HSPG2: variants seen among roughly 807,000 people sequenced by gnomAD.
The protein encoded by HSPG2 is basement membrane-specific heparan sulfate proteoglycan core protein.
In HSPG2, 278 loss-of-function variants were observed where a neutral mutation model predicts 526.6. That is an observed-to-expected ratio of 0.53 (90% CI 0.48 to 0.58). The LOEUF (loss-of-function observed/expected upper bound fraction) is 0.58. Ranked by LOEUF, HSPG2 falls within the 20% of genes least tolerant of loss-of-function variation. The probability of loss-of-function intolerance (pLI) is 0.00; values close to 1 mark genes in which losing one functional copy is unlikely to be tolerated. For synonymous variants in HSPG2, 2,465 were observed against 2,555.4 expected (o/e 0.96, Z 1.07); for missense variants, 5,354 against 6,099.5 (o/e 0.88, Z 4.07).
At position 21,865,620 on chromosome 1, in the gene HSPG2, T is replaced by C. The variant is rs1381286733; in HGVS notation, c.4314+97A>G. ...ACTCCCCCAGCCTGTGCCAGAAAAC[T>C]GAGTGCTGGATGGAAAGGACAAAGG... is the stretch of plus-strand genomic sequence containing the variant. On this transcript the variant is annotated intron_variant, in intron 34 of 96. Transcript: ENST00000374695. This position sits in a 1 kb window ranked among gnomAD's most constrained non-coding sequence, Gnocchi z 5.4. The C allele has an allele frequency of 1.1e-5, 12 of 1,105,032 alleles. No homozygotes were observed. The highest frequency in any genetic ancestry group is 1.7e-5 in the Non-Finnish European group (12 of 719,586). 68.5% of individuals were successfully genotyped at this position (1,105,032 alleles called of 1,614,324 possible). A position where few individuals can be genotyped will look rare whatever the true frequency, so the allele number is the denominator to read the frequency against.
Position 21,839,474 on chromosome 1 carries a change from T to A in HSPG2, c.9786A>T (p.Thr3262=), listed in dbSNP as rs2098040023. 6.2e-7 allele frequency: 1 copy of A among 1,613,832 alleles called. No homozygotes were observed. The highest frequency in any genetic ancestry group is 1.1e-5 in the South Asian group (1 of 91,068). ...LPWQHRLEGD[T]LIIPRVAQQD... is the part of the protein sequence containing the mutation. ...GCTGGGCTACCCGGGGTATGATGAG[T>A]GTGTCACCTTCCAGCCGGTGCTGCC... Residue 3262 remains threonine (T), a synonymous_variant, in exon 73 of 97, where the codon ACA becomes ACT. Coordinates refer to ENST00000374695, the MANE Select transcript of HSPG2 (RefSeq NM_005529.7). This position sits in a 1 kb window ranked among gnomAD's most constrained non-coding sequence, Gnocchi z 4.5.
chr1:21,876,688 T>TG (rs1437763441), intron 21 of HSPG2, 36 bp from the exon 22 acceptor site: 2 of 1,613,604 alleles, frequency 1.2e-6, no homozygotes, highest in African/African-American at 2.7e-5. Context: ...GGACAGCCCA[T>TG]GGGAGAGGCT....
rs1363636705 is a variant in HSPG2 at position 21,872,876 on chromosome 1, G to A, written c.3889-116C>T. On this transcript the variant is annotated intron_variant, in intron 31 of 96. Transcript: ENST00000374695. This position sits in a 1 kb window ranked among gnomAD's most constrained non-coding sequence, Gnocchi z 5.5. ...AGCAGCCCCGGGCAGCCCCTGCCCT[G>A]TCCCCCATGCCCTGCCCCCCATGCC... 1 of 1,536,014 alleles carries A rather than the reference G, an allele frequency of 6.5e-7. No individual in the cohort carries two copies. The highest frequency in any genetic ancestry group is 1.7e-5 in the Admixed American group (1 of 58,420).
intron 1 of HSPG2, among the ~76,000 whole-genome samples, chr1:21,927,461 A>G (rs1312948875): frequency 1.3e-5 from 2 of 152,144 alleles, no homozygotes; most frequent in African/African-American, 2.4e-5. Context: ...AGAGCTCCCC[A>G]GGCAAGGTCC....
At position 21,824,609 on chromosome 1, in the gene HSPG2, G is replaced by T. The variant is rs762283434; in HGVS notation, c.12672C>A (p.Pro4224=). Residue 4224 remains proline, a synonymous_variant, in exon 93 of 97, where the codon CCC becomes CCA. Transcript: ENST00000374695. The surrounding 1 kb of genome is among the most constrained non-coding windows in gnomAD (Gnocchi z 5.9). ...CCAGCTCGATGGTCTCGGGCACCTC[G>T]GGCAGGCTGCGGAGGAAGAGCGGGT... ...FPGHVFSRSL[P]EVPETIELEV... The T allele has an allele frequency of 6.2e-7, 1 of 1,613,922 alleles. No homozygotes were observed. Among genetic ancestry groups the T allele is most frequent in the African/African-American group, 1.3e-5 (1 of 74,932 alleles).
In HSPG2 at chr1:21,895,986, G is replaced by A; in HGVS notation, c.200-20C>T. On this transcript the variant is annotated intron_variant, in intron 2 of 96. Transcript: ENST00000374695. The surrounding 1 kb of genome is among the most constrained non-coding windows in gnomAD (Gnocchi z 4.1). ...GGTCGTCTATAAGCAAAAAAGAGAT[G>A]TAATCAGCAACAACAAGTATTTGTT... 6.2e-7 allele frequency: 1 copy of A among 1,613,708 alleles called. No individual in the cohort carries two copies. Among genetic ancestry groups the A allele is most frequent in the Non-Finnish European group, 8.5e-7 (1 of 1,179,652 alleles).
intron 49 of HSPG2, 76 bp downstream of exon 49, chr1:21,854,535 G>A (rs901163938): frequency 1.3e-5 from 20 of 1,487,516 alleles, no homozygotes; most frequent in Admixed American, 1.0e-4. Context: ...CGCCTCCCCC[G>A]CCCAGCGTAC....
chr1:21,888,732 T>C, intron 6 of HSPG2: 3 of 1,362,988 alleles, frequency 2.2e-6, no homozygotes, highest in Non-Finnish European at 2.9e-6. Flanking sequence ...GAAAGGAAGA[T>C]GTGATCAGTG....
rs778908071 is a variant in HSPG2, at chr1:21,874,419, G to A, written c.3643C>T (p.Pro1215Ser). Reference protein sequence around the residue: ...DCQLCPCYGDPAAGQAAHTCF... With the variant: ...DCQLCPCYGDSAAGQAAHTCF... ...GACTGGACGCACTGGCCGGCAGCAG[G>A]GTCTCCGTAGCAGGGGCACAGCTGG... The change falls in exon 28 of 97, where the codon CCT (proline) becomes TCT (serine). Residue 1215 changes from proline to serine, a missense_variant. Pro to Ser is a moderately conservative substitution (Grantham distance 74). Transcript: ENST00000374695. The A allele has an allele frequency of 1.2e-6, 2 of 1,611,596 alleles. No individual in the cohort carries two copies. Among genetic ancestry groups the A allele is most frequent in the Non-Finnish European group, 1.7e-6 (2 of 1,179,794 alleles).
chr1:21,853,611 G>T, intron 50 of HSPG2: 1 of 171,954 alleles, frequency 5.8e-6, no homozygotes, highest in Non-Finnish European at 1.3e-5. Flanking sequence ...CCGGCCTGGT[G>T]GCGGGTGTGC....
rs145091234 is a variant in HSPG2 at position 21,852,150 on chromosome 1, C to T, written c.6808G>A (p.Gly2270Arg). 1,350 of 1,613,836 alleles carry T rather than the reference C, an allele frequency of 8.4e-4. No homozygotes were observed. Among genetic ancestry groups the T allele is most frequent in the Non-Finnish European group, 1.1e-3 (1,313 of 1,180,042 alleles). ...CATGTGACCTGGGCGTGGGCCTGCC[C>T]TGCCACCACGCAGCTCAGATCCAGG... is the stretch of plus-strand genomic sequence containing the variant. ...QTLDLSCVVA[G>R]QAHAQVTWYK... The change falls in exon 53 of 97, where the codon GGG becomes AGG. Residue 2270 changes from glycine (G) to arginine (R), a missense_variant. Gly to Arg is a moderately radical substitution (Grantham distance 125, BLOSUM62 -2). Coordinates refer to ENST00000374695, the MANE Select transcript of HSPG2 (RefSeq NM_005529.7).
rs1638505976 is a variant in HSPG2, at chr1:21,847,192, T to C, written c.8164+162A>G. Among the ~76,000 whole-genome samples, 2 of 152,138 alleles carry C rather than the reference T, an allele frequency of 1.3e-5. No homozygotes were observed. The highest frequency in any genetic ancestry group is 2.4e-5 in the African/African-American group (1 of 41,414). On this transcript the variant is annotated intron_variant, in intron 62 of 96. Coordinates refer to ENST00000374695, the MANE Select transcript of HSPG2 (RefSeq NM_005529.7). This position sits in a 1 kb window ranked among gnomAD's most constrained non-coding sequence, Gnocchi z 4.1. ...CAAGCCACACGTGGCTATTGAGAAT[T>C]TGAAATGTTAGAAATGGGGTAGCCG... is the stretch of plus-strand genomic sequence containing the variant.
At position 21,848,655 on chromosome 1, in the gene HSPG2, G is replaced by A. The variant is rs927712621; in HGVS notation, c.7725C>T (p.Pro2575=). 1 of 1,613,398 alleles carries A rather than the reference G, an allele frequency of 6.2e-7. No homozygotes were observed. Among genetic ancestry groups the A allele is most frequent in the Non-Finnish European group, 8.5e-7 (1 of 1,179,986 alleles). ...ITWYKRGGSL[P]SRHQIVGSRL... ...GCTGGCCCTGTACCTGGTGCCGGCTGGGTAAGCTGCCTCCACGCTTATACC... is the reference window on the plus strand; with the variant it reads ...GCTGGCCCTGTACCTGGTGCCGGCTAGGTAAGCTGCCTCCACGCTTATACC... Residue 2575 remains proline, a synonymous_variant, in exon 59 of 97, where the codon CCC becomes CCT. Transcript: ENST00000374695. The surrounding 1 kb of genome is among the most constrained non-coding windows in gnomAD (Gnocchi z 4.9).
rs1255261869 is a variant in HSPG2 at position 21,872,721 on chromosome 1, G to A, written c.3928C>T (p.His1310Tyr). 1 of 1,609,596 alleles carries A rather than the reference G, an allele frequency of 6.2e-7. No individual in the cohort carries two copies. The highest frequency in any genetic ancestry group is 1.3e-5 in the African/African-American group (1 of 75,024). The change falls in exon 32 of 97, where the codon CAC (histidine) becomes TAC (tyrosine). Residue 1310 changes from histidine to tyrosine, a missense_variant. By Grantham distance (83) the His-to-Tyr change is moderately conservative (BLOSUM62 2). Coordinates refer to ENST00000374695, the MANE Select transcript of HSPG2 (RefSeq NM_005529.7). The surrounding 1 kb of genome is among the most constrained non-coding windows in gnomAD (Gnocchi z 5.5). ...EGLTCSHCRP[H>Y]HFHLSASNPD... ...TTGCTGGCACTCAGGTGGAAGTGGTGGGGCCGGCAGTGGCTGCAAGTGAGG... is the reference window on the plus strand; with the variant it reads ...TTGCTGGCACTCAGGTGGAAGTGGTAGGGCCGGCAGTGGCTGCAAGTGAGG...
At position 21,863,155 on chromosome 1, in the gene HSPG2, A is replaced by G. The variant is rs560417354; in HGVS notation, c.4740+945T>C. ...TGGGAGGCCAAGGCGGGTGGATCAC[A>G]AGGTCAGGAGATCGAGACCATCCTG... On this transcript the variant is annotated intron_variant, in intron 37 of 96. Coordinates refer to ENST00000374695, the MANE Select transcript of HSPG2 (RefSeq NM_005529.7). 4.0e-5 allele frequency among the ~76,000 whole-genome samples: 6 copies of G among 150,764 alleles called. No individual in the cohort carries two copies. In the East Asian group the frequency reaches 9.8e-4, roughly 25 times the overall value.
intron 33 of HSPG2, among the ~76,000 whole-genome samples, chr1:21,866,606 T>A (rs562262650): frequency 1.3e-3 from 197 of 152,330 alleles, no homozygotes; most frequent in Non-Finnish European, 2.1e-3. Flanking sequence ...AGCCGATAGA[T>A]TCTTTGTTGC....
Position 21,880,826 on chromosome 1 carries a change from A to G in HSPG2, c.1828T>C (p.Tyr610His). The part of the protein sequence containing the change: ...EQFLGNKVDS[Y>H]GGSLRYNVRY... ...ACGTTGTAACGCAGGGAGCCGCCAT[A>G]GGAGTCCACCTGGCACAACAGGGTG... Residue 610 changes from tyrosine (Y) to histidine (H), a missense_variant, in exon 15 of 97, where the codon TAT becomes CAT. By Grantham distance (83) the Tyr-to-His change is moderately conservative. Coordinates refer to ENST00000374695, the MANE Select transcript of HSPG2 (RefSeq NM_005529.7). 2 of 1,593,198 alleles carry G rather than the reference A, an allele frequency of 1.3e-6. No individual in the cohort carries two copies. The highest frequency in any genetic ancestry group is 8.5e-7 in the Non-Finnish European group (1 of 1,170,816).
At chr1:21,869,023 G>C (rs1231326267) in intron 33 of HSPG2, 1 of 237,484 alleles carries the variant, frequency 4.2e-6, no homozygotes, top group Non-Finnish European at 6.8e-6. Context: ...GGGGGTGGGA[G>C]GGCGGAGGTG....
chr1:21,885,118 T>C lies in HSPG2; in HGVS notation c.1250A>G (p.Gln417Arg). The change falls in exon 11 of 97, where the codon CAG becomes CGG. Residue 417 changes from glutamine to arginine, a missense_variant. Transcript: ENST00000374695. ...GGTCACTGTCTGGCCCCGGGAAGCC[T>C]GGATGGACTCCCGGGGAGGTGTCAC... ...QVVTPPRESIQASRGQTVTFT... is the reference protein window; with the variant it reads ...QVVTPPRESIRASRGQTVTFT... The C allele has an allele frequency of 1.2e-6, 2 of 1,612,292 alleles. No homozygotes were observed. The highest frequency in any genetic ancestry group is 1.7e-6 in the Non-Finnish European group (2 of 1,179,322).
Sources: gnomAD v4.1 joint callset for allele counts (sites outside exome capture counted in the v4.1 genomes callset) on GRCh38, gnomAD v4.1.1 for gene constraint, Gnocchi (gnomAD v3.1) non-coding constraint, MANE v1.5 for transcripts, NCBI Gene and HGNC (gene_info 2026-07-23, HGNC 2026-07-21) for gene names.